RGL1: variants seen among roughly 807,000 people sequenced by gnomAD.
The protein encoded by RGL1 is ral guanine nucleotide dissociation stimulator-like 1.
A neutral mutation model predicts 95.2 loss-of-function variants in RGL1; 24 were observed. That is an observed-to-expected ratio of 0.25 (90% CI 0.18 to 0.35). The LOEUF is 0.35. Among genes scored for constraint, RGL1 ranks in the 10% least tolerant of loss-of-function variants. The probability of loss-of-function intolerance (pLI) is 1.00; values close to 1 mark genes in which losing one functional copy is unlikely to be tolerated. For synonymous variants in RGL1, 329 were observed against 344.9 expected (o/e 0.95, Z 0.51); for missense variants, 715 against 936.3 (o/e 0.76, Z 3.08).
intron 14 of RGL1, among the ~76,000 whole-genome samples, chr1:183,910,147 C>A (rs1668561575): frequency 6.6e-6 from 1 of 152,092 alleles, no homozygotes. Context: ...TGCTCTGTCG[C>A]TTAGGCTGGA....
intron 2 of RGL1, among the ~76,000 whole-genome samples, chr1:183,824,947 A>G (rs142824263): frequency 1.8e-4 from 27 of 152,330 alleles, no homozygotes; most frequent in South Asian, 4.1e-4. Flanking sequence ...CATTTTTCAT[A>G]ACTGAGCATA....
At chr1:183,752,993 G>C (rs1204319531) in intron 2 of RGL1, among the ~76,000 whole-genome samples, 1 of 151,972 alleles carries the variant, frequency 6.6e-6, no homozygotes, top group Admixed American at 6.6e-5. Flanking sequence ...ACATTTTGGG[G>C]TACGAGGGCT....
intron 2 of RGL1, among the ~76,000 whole-genome samples, chr1:183,774,132 A>G (rs1376401696): frequency 4.6e-5 from 7 of 152,292 alleles, no homozygotes; most frequent in African/African-American, 1.4e-4. Context: ...AGGACAAGTA[A>G]TCCTTTTGGA....
intron 2 of RGL1, among the ~76,000 whole-genome samples, chr1:183,835,439 C>T (rs1291250378): frequency 1.3e-5 from 2 of 152,162 alleles, no homozygotes; most frequent in Non-Finnish European, 2.9e-5. Context: ...GAGTGCTTTC[C>T]ATGGATTCCC....
intron 8 of RGL1, among the ~76,000 whole-genome samples, chr1:183,889,823 C>T (rs959990724): frequency 3.3e-5 from 5 of 152,150 alleles, no homozygotes; most frequent in Non-Finnish European, 5.9e-5. Flanking sequence ...TTTATGACAT[C>T]AATATTTATC....
intron 2 of RGL1, among the ~76,000 whole-genome samples, chr1:183,773,449 G>A (rs948876657): frequency 1.3e-5 from 2 of 152,190 alleles, no homozygotes; most frequent in African/African-American, 4.8e-5. Context: ...TTGCCTGTTT[G>A]TGTTTCGCCC....
chr1:183,923,048 C>T (rs1435077854), intron 17 of RGL1, among the ~76,000 whole-genome samples: 1 of 152,172 alleles, frequency 6.6e-6, no homozygotes, highest in African/African-American at 2.4e-5. Flanking sequence ...CTCCTCTGTA[C>T]CTTGTCACTT....
In RGL1 at chr1:183,892,137, G is replaced by T; in HGVS notation, c.1116G>T (p.Leu372Phe). The T allele has an allele frequency of 6.2e-7, 1 of 1,612,320 alleles. No individual in the cohort carries two copies. ...TCTTCTCAGACCATAATAACCATTT[G>T]ACCAGCCGAGAACTACTGATGAAGG... The part of the protein sequence containing the change: ...SDIFSDHNNH[L>F]TSRELLMKEG... Residue 372 changes from leucine to phenylalanine, a missense_variant, in exon 9 of 18, where the codon TTG (leucine) becomes TTT (phenylalanine). Leu to Phe is a conservative substitution (Grantham distance 22, BLOSUM62 0). Around this residue, in one of 3 missense-constraint regions of RGL1, gnomAD observed 381 missense variants for 484.8 expected, o/e 0.79. Transcript: ENST00000360851.
chr1:183,884,016 T>C, intron 6 of RGL1, 106 bp downstream of exon 6: 1 of 1,202,518 alleles, frequency 8.3e-7, no homozygotes, highest in Non-Finnish European at 1.2e-6. Context: ...TTAAGTCTTC[T>C]TGAATCCTTG....
At chr1:183,812,465 C>T (rs1661792690) in intron 2 of RGL1, among the ~76,000 whole-genome samples, 1 of 152,212 alleles carries the variant, frequency 6.6e-6, no homozygotes, top group Admixed American at 6.5e-5. Flanking sequence ...GCTAAACTCT[C>T]CTTCCATACC....
intron 1 of RGL1, among the ~76,000 whole-genome samples, chr1:183,721,575 A>G (rs566607889): frequency 2.0e-5 from 3 of 152,284 alleles, no homozygotes; most frequent in African/African-American, 7.2e-5. Context: ...ATACCTCACC[A>G]ATCTTGTCTT....
chr1:183,678,616 T>C (rs1652992777), intron 1 of RGL1, among the ~76,000 whole-genome samples: 1 of 150,884 alleles, frequency 6.6e-6, no homozygotes, highest in Non-Finnish European at 1.5e-5. Context: ...TTTTTTTTTT[T>C]CCCTGAGACA....
chr1:183,751,461 G>A (rs1234518764), intron 2 of RGL1, among the ~76,000 whole-genome samples: 1 of 152,188 alleles, frequency 6.6e-6, no homozygotes, highest in Non-Finnish European at 1.5e-5. Flanking sequence ...ATAATTTCAA[G>A]CCAGTGGATC....
intron 2 of RGL1, among the ~76,000 whole-genome samples, chr1:183,784,123 A>G (rs1381844801): frequency 6.6e-6 from 1 of 152,216 alleles, no homozygotes; most frequent in African/African-American, 2.4e-5. Flanking sequence ...GCAAACTGGG[A>G]GGGACCAGAT....
At chr1:183,805,393 G>A in intron 1 of RGL1, 69 bp downstream of exon 1, 4 of 1,422,524 alleles carry the variant, frequency 2.8e-6, no homozygotes, top group Non-Finnish European at 3.9e-6. Flanking sequence ...TTCGCTGGGC[G>A]TGTTTTGGAC....
chr1:183,886,312 T>A (rs1252535008), intron 7 of RGL1, among the ~76,000 whole-genome samples: 2 of 152,206 alleles, frequency 1.3e-5, no homozygotes, highest in Non-Finnish European at 2.9e-5. Flanking sequence ...TAAATCGAGC[T>A]TATTGCTCAG....
intron 2 of RGL1, among the ~76,000 whole-genome samples, chr1:183,816,103 T>C (rs1455272618): frequency 6.6e-6 from 1 of 152,248 alleles, no homozygotes; most frequent in Non-Finnish European, 1.5e-5. Context: ...TTTATCTCTC[T>C]GGCTCCTTGC....
At position 183,847,705 on chromosome 1, in the gene RGL1, T is replaced by G; in HGVS notation, c.278T>G (p.Ile93Ser). ...TTTGGGGACAATGACTTTACCTATA[T>G]CAGCATCTTTCTTTCAACGTACAGA... ...TAFGDNDFTY[I>S]SIFLSTYRGF... The change falls in exon 3 of 18, where the codon ATC becomes AGC. Residue 93 changes from isoleucine (I) to serine (S), a missense_variant. By Grantham distance (142) the Ile-to-Ser change is moderately radical. Around this residue, in one of 3 missense-constraint regions of RGL1, gnomAD observed 381 missense variants for 484.8 expected, o/e 0.79. Transcript: ENST00000360851. 6.2e-7 allele frequency: 1 copy of G among 1,614,150 alleles called. No individual in the cohort carries two copies. Among genetic ancestry groups the G allele is most frequent in the South Asian group, 1.1e-5 (1 of 91,088 alleles).
At chr1:183,865,898 T>A (rs910763527) in intron 3 of RGL1, 98 bp from the exon 4 acceptor site, 18 of 811,054 alleles carry the variant, frequency 2.2e-5, no homozygotes, top group Non-Finnish European at 3.6e-5. Flanking sequence ...TAATTACTTC[T>A]GAAAAGTATA....
Sources: allele counts gnomAD v4.1 joint callset (sites outside exome capture counted in the v4.1 genomes callset), GRCh38; gene constraint gnomAD v4.1.1; regional missense constraint gnomAD v4.1.1; transcripts MANE v1.5; gene names NCBI Gene and HGNC (gene_info 2026-07-23, HGNC 2026-07-21).